The following OLFM2 variants were observed in gnomAD, a reference collection of about 807,000 sequenced individuals.
OLFM2 encodes olfactomedin 2.
Under a neutral mutation model 43.9 loss-of-function variants are expected in OLFM2, and 20 were observed. That is an observed-to-expected ratio of 0.46 (90% CI 0.32 to 0.66). The LOEUF is 0.66. OLFM2 is among the 30% of genes least tolerant of loss of function. The pLI, the probability that OLFM2 is intolerant of heterozygous loss-of-function variation, is 0.04. For synonymous variants in OLFM2, 268 were observed against 278.6 expected, an observed-to-expected ratio of 0.96 and a Z score of 0.38; for missense variants, 416 against 643.6, an observed-to-expected ratio of 0.65 and a Z score of 3.83.
intron 1 of OLFM2, among the ~76,000 whole-genome samples, chr19:9,917,543 G>A (rs538726822): frequency 6.6e-6 from 1 of 152,200 alleles, no homozygotes; most frequent in Admixed American, 6.6e-5. Context: ...TTGGGGTGGA[G>A]GGTGTTTTCT....
chr19:9,892,617 G>A (rs149330124), intron 1 of OLFM2, among the ~76,000 whole-genome samples: 2,969 of 152,172 alleles, frequency 0.02, 68 homozygotes, highest in South Asian at 0.081. Flanking sequence ...AGGCTGAGGT[G>A]GGAGAATCAC....
chr19:9,900,223 G>C (rs1207058045), intron 1 of OLFM2, among the ~76,000 whole-genome samples: 1 of 152,124 alleles, frequency 6.6e-6, no homozygotes, highest in African/African-American at 2.4e-5. Flanking sequence ...AAAATGAAGA[G>C]AGGTGTCAGG....
intron 1 of OLFM2, among the ~76,000 whole-genome samples, chr19:9,890,962 G>A (rs1031882493): frequency 8.6e-5 from 13 of 150,546 alleles, no homozygotes; most frequent in African/African-American, 2.4e-4. Flanking sequence ...CTGAAACAAC[G>A]AAGAAAAAAA....
At chr19:9,877,626 A>G (rs2046502937) in intron 1 of OLFM2, among the ~76,000 whole-genome samples, 1 of 152,172 alleles carries the variant, frequency 6.6e-6, no homozygotes, top group African/African-American at 2.4e-5. Flanking sequence ...TAGCACCTTT[A>G]AAGATGAGGT....
At chr19:9,898,576 G>T (rs1428301259) in intron 1 of OLFM2, among the ~76,000 whole-genome samples, 2 of 151,956 alleles carry the variant, frequency 1.3e-5, no homozygotes, top group Non-Finnish European at 2.9e-5. Context: ...GTTGCCCAGG[G>T]TGGTCTCAAA....
At chr19:9,915,663 A>G (rs1470659103) in intron 1 of OLFM2, among the ~76,000 whole-genome samples, 4 of 151,930 alleles carry the variant, frequency 2.6e-5, no homozygotes, top group South Asian at 4.2e-4. Context: ...GACTACAGGC[A>G]CCCACCACCA....
At chr19:9,858,255 T>G in intron 2 of OLFM2, 1 of 275,206 alleles carries the variant, frequency 3.6e-6, no homozygotes, top group Non-Finnish European at 6.5e-6. Flanking sequence ...CCACTTCCTC[T>G]CTCTTTGTTC....
rs1400667416 is a variant in OLFM2, at chr19:9,854,662, A to C, written c.889T>G (p.Ser297Ala). 6.2e-7 allele frequency: 1 copy of C among 1,614,218 alleles called. No homozygotes were observed. Among genetic ancestry groups the C allele is most frequent in the Admixed American group, 1.7e-5 (1 of 60,026 alleles). The change falls in exon 6 of 6, where the codon TCT becomes GCT. Residue 297 changes from serine (S) to alanine (A), a missense_variant. Ser to Ala is a moderately conservative substitution (Grantham distance 99). Transcript: ENST00000264833. This position sits in a 1 kb window ranked among gnomAD's most constrained non-coding sequence, Gnocchi z 9.5. ...VVVKYHFRSR[S>A]VLVQRSLPGA... The stretch of plus-strand genomic sequence containing the variant: ...GGGAGGCTCCTCTGCACCAGCACAG[A>C]GCGCGAGCGGAAGTGGTATTTGACC...
intron 1 of OLFM2, among the ~76,000 whole-genome samples, chr19:9,887,753 C>G (rs1195485684): frequency 6.6e-6 from 1 of 152,092 alleles, no homozygotes; most frequent in Non-Finnish European, 1.5e-5. Context: ...AGTTAAAAGC[C>G]CAAATCCTCA....
chr19:9,914,446 G>A (rs1396820055), intron 1 of OLFM2, among the ~76,000 whole-genome samples: 1 of 152,094 alleles, frequency 6.6e-6, no homozygotes, highest in Non-Finnish European at 1.5e-5. Context: ...GTGATCCAGG[G>A]CCAGCAGACG....
At chr19:9,879,076 T>C (rs2046516585) in intron 1 of OLFM2, among the ~76,000 whole-genome samples, 1 of 152,178 alleles carries the variant, frequency 6.6e-6, no homozygotes, top group South Asian at 2.1e-4. Flanking sequence ...GACTGGATCA[T>C]GGGGCTAGGT....
At chr19:9,926,329 G>A (rs1001230930) in intron 1 of OLFM2, among the ~76,000 whole-genome samples, 9 of 151,966 alleles carry the variant, frequency 5.9e-5, no homozygotes, top group Admixed American at 1.3e-4. Flanking sequence ...GAGGCGGGCG[G>A]ATCACGAGGT....
At chr19:9,919,136 A>C (rs2086403245) in intron 1 of OLFM2, among the ~76,000 whole-genome samples, 1 of 151,852 alleles carries the variant, frequency 6.6e-6, no homozygotes, top group Non-Finnish European at 1.5e-5. Context: ...CAGGAGTTTG[A>C]GACCAGCCTG....
At position 9,854,757 on chromosome 19, in the gene OLFM2, G is replaced by A. The variant is rs2046301129; in HGVS notation, c.794C>T (p.Pro265Leu). 2.5e-6 allele frequency: 4 copies of A among 1,613,586 alleles called. No individual in the cohort carries two copies. Among genetic ancestry groups the A allele is most frequent in the South Asian group, 2.2e-5 (2 of 91,050 alleles). The change falls in exon 6 of 6, where the codon CCG becomes CTG. Residue 265 changes from proline to leucine, a missense_variant. Physicochemically the swap from Pro to Leu is moderately conservative, Grantham distance 98. Transcript: ENST00000264833. This position sits in a 1 kb window ranked among gnomAD's most constrained non-coding sequence, Gnocchi z 9.5. Reference sequence around the variant, plus strand: ...CACCACGTGGCCCGTGCCCGCCCACGGCTGGGGCAGCAGGTGCTGGATAAA... The same window carrying A: ...CACCACGTGGCCCGTGCCCGCCCACAGCTGGGGCAGCAGGTGCTGGATAAA... ...QNFIQHLLPQ[P>L]WAGTGHVVYN...
chr19:9,888,588 C>A (rs1324085458), intron 1 of OLFM2, among the ~76,000 whole-genome samples: 1 of 151,838 alleles, frequency 6.6e-6, no homozygotes, highest in African/African-American at 2.4e-5. Context: ...TGCCCCAGCA[C>A]CCCCCATCCA....
chr19:9,908,378 C>A (rs1284961115), intron 1 of OLFM2, among the ~76,000 whole-genome samples: 1 of 151,430 alleles, frequency 6.6e-6, no homozygotes, highest in Non-Finnish European at 1.5e-5. Context: ...GCGATCTCGG[C>A]TCACTGCAAC....
chr19:9,914,878 G>C (rs1234327889), intron 1 of OLFM2, among the ~76,000 whole-genome samples: 1 of 151,544 alleles, frequency 6.6e-6, no homozygotes. Flanking sequence ...CTCAGCCCGC[G>C]GCCGCCGCCG....
At position 9,854,633 on chromosome 19, in the gene OLFM2, G is replaced by A. The variant is rs151027601; in HGVS notation, c.918C>T (p.Gly306=). The A allele has an allele frequency of 2.5e-5, 40 of 1,614,026 alleles. No homozygotes were observed. The South Asian group carries it at 3.1e-4, about 12-fold the overall frequency. Reference sequence around the variant, plus strand: ...AGGGGAAGGTGTTGTTGTAACCGGCGCCCGGGAGGCTCCTCTGCACCAGCA... The same window carrying A: ...AGGGGAAGGTGTTGTTGTAACCGGCACCCGGGAGGCTCCTCTGCACCAGCA... ...RSVLVQRSLP[G]AGYNNTFPYS... The change falls in exon 6 of 6, where the codon GGC becomes GGT. Residue 306 remains glycine, a synonymous_variant. Transcript: ENST00000264833. This position sits in a 1 kb window ranked among gnomAD's most constrained non-coding sequence, Gnocchi z 9.5.
At chr19:9,908,464 A>ATTTTTTTTTTTTTTTTTT (rs34305631) in intron 1 of OLFM2, among the ~76,000 whole-genome samples, 2 of 40,364 alleles carry the variant, frequency 5.0e-5, no homozygotes, top group African/African-American at 2.4e-4. Flanking sequence ...CACCTGGCTA[A>ATTTTTTTTTTTTTTTTTT]TTTTTTTTTT....
Sources: gnomAD v4.1 joint callset for allele counts (sites outside exome capture counted in the v4.1 genomes callset) on GRCh38, gnomAD v4.1.1 for gene constraint, Gnocchi (gnomAD v3.1) non-coding constraint, MANE v1.5 for transcripts, NCBI Gene and HGNC (gene_info 2026-07-23, HGNC 2026-07-21) for gene names.